PTPRT: variants seen among roughly 807,000 people sequenced by gnomAD.
PTPRT encodes the protein protein tyrosine phosphatase receptor type T.
In PTPRT, 56 loss-of-function variants were observed where a neutral mutation model predicts 176.8. The ratio of observed to expected loss-of-function variants is 0.32; its 90% CI spans 0.26 to 0.40. PTPRT has a LOEUF of 0.40. PTPRT is among the 10% of genes least tolerant of loss of function. The probability of loss-of-function intolerance (pLI) is 1.00; values close to 1 mark genes in which losing one functional copy is unlikely to be tolerated. For missense variants in PTPRT, 1,540 were observed against 1,908.2 expected (o/e 0.81, Z 3.60); for synonymous variants, 783 against 739.0 (o/e 1.06, Z -0.96).
chr20:43,131,071 A>C (rs755332699), intron 1 of PTPRT, among the ~76,000 whole-genome samples: 1 of 152,186 alleles, frequency 6.6e-6, no homozygotes, highest in African/African-American at 2.4e-5. Context: ...AACAGTAGCA[A>C]TTCAATAACA....
intron 18 of PTPRT, among the ~76,000 whole-genome samples, chr20:42,132,509 A>G (rs531004476): frequency 6.6e-6 from 1 of 152,364 alleles, no homozygotes; most frequent in Admixed American, 6.5e-5. Context: ...AAAATGGGAG[A>G]AAGATCTGAA....
At chr20:43,141,892 A>G (rs1572929) in intron 1 of PTPRT, among the ~76,000 whole-genome samples, 13,151 of 152,198 alleles carry the variant, frequency 0.086, 808 homozygotes, top group East Asian at 0.28. Context: ...ATTCCAAGCC[A>G]TCCTACAAGT....
intron 11 of PTPRT, among the ~76,000 whole-genome samples, chr20:42,332,665 G>A (rs955774765): frequency 1.6e-4 from 25 of 151,646 alleles, no homozygotes; most frequent in Middle Eastern, 6.8e-3. Context: ...GAGAATAAAC[G>A]AAGTCTCTCT....
At chr20:42,540,335 CTGT>C (rs2072556010) in intron 7 of PTPRT, among the ~76,000 whole-genome samples, 1 of 152,100 alleles carries the variant, frequency 6.6e-6, no homozygotes, top group African/African-American at 2.4e-5. Flanking sequence ...TGCTGACCTG[CTGT>C]GAACACTTTC....
intron 1 of PTPRT, among the ~76,000 whole-genome samples, chr20:43,096,256 T>C (rs886890357): frequency 3.9e-5 from 6 of 151,994 alleles, no homozygotes; most frequent in African/African-American, 1.5e-4. Context: ...CCGACCCTAT[T>C]TGGCTCTTTA....
chr20:43,157,199 CA>C (rs3032106), intron 1 of PTPRT, among the ~76,000 whole-genome samples: 99 of 143,234 alleles, frequency 6.9e-4, no homozygotes, highest in Middle Eastern at 3.4e-3. Context: ...ACTAAAAATA[CA>C]AAAAAAAAAA....
In PTPRT at chr20:42,110,297, G is replaced by A. The variant is rs370390630; in HGVS notation, c.3254+36C>T. ...GAACTCCTGACCTCGTGATCTGCCC[G>A]CCTCGGCCTCCCAAGGTGAAGGACC... On this transcript the variant is annotated intron_variant, in intron 23 of 30. Coordinates refer to ENST00000373187, the MANE Select transcript of PTPRT (RefSeq NM_007050.6). The A allele has an allele frequency of 8.8e-5, 137 of 1,558,278 alleles. 1 individual carries two copies. The highest frequency in any genetic ancestry group is 8.2e-4 in the South Asian group (69 of 84,284).
In PTPRT at chr20:42,161,447, C is replaced by G. The variant is rs773863686; in HGVS notation, c.2587G>C (p.Asp863His). The G allele has an allele frequency of 2.5e-6, 4 of 1,614,106 alleles. No individual in the cohort carries two copies. In the South Asian group the frequency reaches 3.3e-5, roughly 13 times the overall value. ...ACCCGGATGGCGGGTTGGAACTGGTCCCGGGGGTAGCTCATCTCCACAGGG... is the reference window on the plus strand; with the variant it reads ...ACCCGGATGGCGGGTTGGAACTGGTGCCGGGGGTAGCTCATCTCCACAGGG... Reference protein sequence around the residue: ...CDPVEMSYPRDQFQPAIRVAD... With the variant: ...CDPVEMSYPRHQFQPAIRVAD... Residue 863 changes from aspartate to histidine, a missense_variant, in exon 17 of 31, where the codon GAC becomes CAC. Coordinates refer to ENST00000373187, the MANE Select transcript of PTPRT (RefSeq NM_007050.6).
At chr20:42,768,112 T>C (rs1024869046) in intron 5 of PTPRT, among the ~76,000 whole-genome samples, 2 of 151,714 alleles carry the variant, frequency 1.3e-5, no homozygotes, top group Non-Finnish European at 2.9e-5. Flanking sequence ...CACACAGGCA[T>C]TTGTCAGATG....
intron 6 of PTPRT, chr20:42,687,220 C>T (rs35177397): frequency 0.1 from 15,925 of 152,106 alleles, 968 homozygotes; most frequent in African/African-American, 0.15. Context: ...TCCCATCAAA[C>T]GCATTCCCCT....
intron 2 of PTPRT, among the ~76,000 whole-genome samples, chr20:42,851,502 T>C (rs546731843): frequency 2.0e-4 from 31 of 152,332 alleles, no homozygotes; most frequent in Admixed American, 5.2e-4. Flanking sequence ...ACCTGGGGTA[T>C]TCCTTTTACT....
At chr20:43,155,547 G>C (rs1241153110) in intron 1 of PTPRT, among the ~76,000 whole-genome samples, 1 of 152,160 alleles carries the variant, frequency 6.6e-6, no homozygotes, top group South Asian at 2.1e-4. Flanking sequence ...GAGAGGATGG[G>C]GGATGGTGGC....
intron 1 of PTPRT, among the ~76,000 whole-genome samples, chr20:43,153,213 T>C (rs1227080103): frequency 6.6e-6 from 1 of 152,158 alleles, no homozygotes; most frequent in Non-Finnish European, 1.5e-5. Flanking sequence ...CCAATATATA[T>C]AGTATGAATG....
At chr20:42,892,544 C>G (rs1455168753) in intron 1 of PTPRT, among the ~76,000 whole-genome samples, 1 of 151,606 alleles carries the variant, frequency 6.6e-6, no homozygotes, top group Non-Finnish European at 1.5e-5. Flanking sequence ...ATTGCCTTTA[C>G]TTGCCCTCCG....
chr20:42,764,028 C>T (rs1037102137), intron 5 of PTPRT, among the ~76,000 whole-genome samples: 7 of 152,166 alleles, frequency 4.6e-5, no homozygotes, highest in Non-Finnish European at 8.8e-5. Context: ...CTTCTGCCAG[C>T]ATCTATGAAA....
At chr20:42,200,382 A>T (rs1488790975) in intron 15 of PTPRT, among the ~76,000 whole-genome samples, 1 of 152,242 alleles carries the variant, frequency 6.6e-6, no homozygotes, top group Non-Finnish European at 1.5e-5. Context: ...TGCCTCGCAC[A>T]TAGTGGACAC....
intron 6 of PTPRT, among the ~76,000 whole-genome samples, chr20:42,714,971 G>T (rs2076201525): frequency 6.6e-6 from 1 of 152,176 alleles, no homozygotes; most frequent in South Asian, 2.1e-4. Context: ...AATGTGAGAG[G>T]TTGACCAGTG....
chr20:42,165,282 T>C (rs559446169), intron 16 of PTPRT, among the ~76,000 whole-genome samples: 34 of 152,304 alleles, frequency 2.2e-4, no homozygotes, highest in African/African-American at 6.3e-4. Flanking sequence ...GGTTAAGAAA[T>C]ATTTAATGAG....
At chr20:42,404,972 T>TATATATATATATATATATATATATA (rs2058944953) in intron 9 of PTPRT, among the ~76,000 whole-genome samples, 1 of 77,956 alleles carries the variant, frequency 1.3e-5, no homozygotes, top group African/African-American at 4.7e-5. Flanking sequence ...GGCCAATTAA[T>TATATATATATATATATATATATATA]TATATATATA....
Sources: allele counts gnomAD v4.1 joint callset (sites outside exome capture counted in the v4.1 genomes callset), GRCh38; gene constraint gnomAD v4.1.1; transcripts MANE v1.5; gene names NCBI Gene and HGNC (gene_info 2026-07-23, HGNC 2026-07-21).